The following AIMP1 variants were observed in gnomAD, a reference collection of about 807,000 sequenced individuals.
AIMP1 encodes aminoacyl tRNA synthetase complex interacting multifunctional protein 1, also known as aminoacyl tRNA synthase complex-interacting multifunctional protein 1.
In AIMP1, 24 loss-of-function variants were observed where a neutral mutation model predicts 33.1. That is an observed-to-expected ratio of 0.73 (90% CI 0.53 to 1.02). The LOEUF (loss-of-function observed/expected upper bound fraction) is 1.02. Among genes scored for constraint, AIMP1 ranks in the 50% least tolerant of loss-of-function variants. The pLI, the probability that AIMP1 is intolerant of heterozygous loss-of-function variation, is 0.00. For synonymous variants in AIMP1, 120 were observed against 121.5 expected (o/e 0.99, Z 0.08); for missense variants, 367 against 364.8 (o/e 1.01, Z -0.05).
At chr4:106,341,817 T>G (rs1447388366) in intron 6 of AIMP1, among the ~76,000 whole-genome samples, 2 of 152,182 alleles carry the variant, frequency 1.3e-5, no homozygotes, top group African/African-American at 2.4e-5. Flanking sequence ...TTTTTCTAAT[T>G]CTGTTATAAA....
intron 4 of AIMP1, among the ~76,000 whole-genome samples, chr4:106,331,465 A>G (rs1317123263): frequency 2.0e-5 from 3 of 152,238 alleles, no homozygotes. Context: ...TCAAATAGAA[A>G]TACAACAGAG....
chr4:106,327,959 G>A, intron 3 of AIMP1, 117 bp from the exon 4 acceptor site: 1 of 1,442,562 alleles, frequency 6.9e-7, no homozygotes, highest in Non-Finnish European at 9.4e-7. Context: ...ATATTTGATA[G>A]CCATATACAG....
intron 3 of AIMP1, among the ~76,000 whole-genome samples, 197 bp downstream of exon 3, chr4:106,327,761 T>C (rs1480708791): frequency 6.6e-6 from 1 of 152,168 alleles, no homozygotes; most frequent in Non-Finnish European, 1.5e-5. Flanking sequence ...ATGAGTTAAT[T>C]TGTATAAAGC....
chr4:106,339,768 A>T (rs1052832259), intron 6 of AIMP1, among the ~76,000 whole-genome samples: 1 of 152,348 alleles, frequency 6.6e-6, no homozygotes, highest in Non-Finnish European at 1.5e-5. Context: ...GCTGCAGCAC[A>T]GAAAGACAGA....
chr4:106,340,236 G>A (rs373523448), intron 6 of AIMP1, among the ~76,000 whole-genome samples: 18 of 151,354 alleles, frequency 1.2e-4, no homozygotes, highest in African/African-American at 3.1e-4. Context: ...GTGTGTGAGC[G>A]AATTATTTTG....
At chr4:106,336,495 A>G (rs1478067895) in intron 5 of AIMP1, among the ~76,000 whole-genome samples, 1 of 152,166 alleles carries the variant, frequency 6.6e-6, no homozygotes, top group Non-Finnish European at 1.5e-5. Context: ...AATCCTTATG[A>G]CAACTCTTCA....
intron 1 of AIMP1, among the ~76,000 whole-genome samples, chr4:106,323,563 G>T (rs1769347809): frequency 6.9e-6 from 1 of 145,544 alleles, no homozygotes; most frequent in Non-Finnish European, 1.5e-5. Flanking sequence ...GAATTGTAGA[G>T]AAAATATCTT....
chr4:106,339,903 G>A (rs1770030162), intron 6 of AIMP1, among the ~76,000 whole-genome samples: 1 of 152,080 alleles, frequency 6.6e-6, no homozygotes, highest in Non-Finnish European at 1.5e-5. Context: ...TAATCTAAAA[G>A]GAAGTTTCAT....
At chr4:106,319,770 C>T (rs558033991) in intron 1 of AIMP1, among the ~76,000 whole-genome samples, 2 of 152,088 alleles carry the variant, frequency 1.3e-5, no homozygotes, top group South Asian at 2.1e-4. Context: ...ACTAGCATTT[C>T]CTAAACTGTT....
intron 3 of AIMP1, 147 bp from the exon 4 acceptor site, chr4:106,327,929 T>G: frequency 7.9e-7 from 1 of 1,263,490 alleles, no homozygotes; most frequent in East Asian, 2.6e-5. Context: ...TGGCAGCCAT[T>G]TTATAGTCTC....
intron 1 of AIMP1, among the ~76,000 whole-genome samples, chr4:106,319,433 G>C (rs1472847420): frequency 6.6e-6 from 1 of 152,102 alleles, no homozygotes; most frequent in Non-Finnish European, 1.5e-5. Context: ...TGCATTAGAG[G>C]CATCGTATGA....
At chr4:106,334,056 C>T (rs1195361461) in intron 5 of AIMP1, among the ~76,000 whole-genome samples, 3 of 152,092 alleles carry the variant, frequency 2.0e-5, no homozygotes, top group Non-Finnish European at 4.4e-5. Context: ...TCCTCTGTCC[C>T]ATGGTGCTTC....
chr4:106,345,121 T>C (rs1158683087), intron 6 of AIMP1, among the ~76,000 whole-genome samples: 1 of 152,220 alleles, frequency 6.6e-6, no homozygotes, highest in Non-Finnish European at 1.5e-5. Context: ...CTAGTTTATA[T>C]GGCACTTTCT....
intron 1 of AIMP1, among the ~76,000 whole-genome samples, chr4:106,320,558 A>C (rs1769174445): frequency 6.6e-6 from 1 of 152,138 alleles, no homozygotes; most frequent in Non-Finnish European, 1.5e-5. Context: ...GCCCTGGAAA[A>C]GAAAGCTATC....
chr4:106,329,808 C>T (rs918183523), intron 4 of AIMP1, among the ~76,000 whole-genome samples: 5 of 98,416 alleles, frequency 5.1e-5, no homozygotes, highest in South Asian at 3.7e-4. Flanking sequence ...TTTTTGGAGA[C>T]GGAGTCTTGC....
intron 6 of AIMP1, among the ~76,000 whole-genome samples, chr4:106,344,072 T>G (rs1770200970): frequency 6.6e-6 from 1 of 152,168 alleles, no homozygotes; most frequent in Non-Finnish European, 1.5e-5. Flanking sequence ...GTTCTCAGTC[T>G]TATTATTAAT....
intron 6 of AIMP1, among the ~76,000 whole-genome samples, chr4:106,344,344 CT>C (rs1770212839): frequency 2.0e-5 from 3 of 152,212 alleles, no homozygotes; most frequent in South Asian, 2.1e-4. Context: ...ATTCTTCCCC[CT>C]AGACTTTCAT....
At chr4:106,347,412 C>A in intron 6 of AIMP1, 114 bp from the exon 7 acceptor site, 3 of 1,015,818 alleles carry the variant, frequency 3.0e-6, no homozygotes, top group East Asian at 2.8e-5. Flanking sequence ...TGATTAGGTC[C>A]AAAAATCAGA....
intron 6 of AIMP1, 143 bp downstream of exon 6, chr4:106,337,180 C>T: frequency 1.3e-6 from 1 of 787,146 alleles, no homozygotes; most frequent in South Asian, 1.5e-5. Flanking sequence ...TTGAGTTTTT[C>T]AAGATTGGCT....
Sources: allele counts gnomAD v4.1 joint callset (sites outside exome capture counted in the v4.1 genomes callset), GRCh38; gene constraint gnomAD v4.1.1; transcripts MANE v1.5; gene names NCBI Gene and HGNC (gene_info 2026-07-23, HGNC 2026-07-21).